The following USP32 variants were observed in gnomAD, a reference collection of about 807,000 sequenced individuals.
The protein encoded by USP32 is ubiquitin carboxyl-terminal hydrolase 32.
Under a neutral mutation model 204.8 loss-of-function variants are expected in USP32, and 59 were observed. That is an observed-to-expected ratio of 0.29 (90% CI 0.23 to 0.36). The LOEUF (loss-of-function observed/expected upper bound fraction) is 0.36, where lower values mean the gene tolerates loss of function less well. Among genes scored for constraint, USP32 ranks in the 10% least tolerant of loss-of-function variants. The probability of loss-of-function intolerance (pLI) is 1.00; values close to 1 mark genes in which losing one functional copy is unlikely to be tolerated. For synonymous variants in USP32, 517 were observed against 678.4 expected, an observed-to-expected ratio of 0.76 and a Z score of 3.70; for missense variants, 1,160 against 1,946.4, an observed-to-expected ratio of 0.60 and a Z score of 7.60.
intron 2 of USP32, among the ~76,000 whole-genome samples, chr17:60,307,488 A>G (rs1037021546): frequency 3.9e-5 from 6 of 152,228 alleles, no homozygotes; most frequent in African/African-American, 1.4e-4. Flanking sequence ...GACATTCTTC[A>G]TAGAGAAAGA....
chr17:60,207,987 G>T, intron 24 of USP32, 72 bp downstream of exon 24: 13 of 1,488,440 alleles, frequency 8.7e-6, no homozygotes, highest in Non-Finnish European at 1.2e-5. Flanking sequence ...CCTAACAATT[G>T]ATCATAATAA....
At position 60,288,730 on chromosome 17, in the gene USP32, C is replaced by G. The variant is rs755732154; in HGVS notation, c.412-48G>C. 2.0e-6 allele frequency: 3 copies of G among 1,532,988 alleles called. No homozygotes were observed. The African/African-American group carries it at 4.2e-5, about 21-fold the overall frequency. The allele number at this position is 1,532,988 out of a possible 1,614,324, so 95.0% of individuals were successfully genotyped here. Reference sequence around the variant, plus strand: ...TAAGTTTAGTCAAATTTTAAGGTATCTTACTTGGAACCTGCACAACCTGAA... The same window carrying G: ...TAAGTTTAGTCAAATTTTAAGGTATGTTACTTGGAACCTGCACAACCTGAA... On this transcript the variant is annotated intron_variant, in intron 4 of 33. Coordinates refer to ENST00000300896, the MANE Select transcript of USP32 (RefSeq NM_032582.4).
chr17:60,231,139 GGATTCCCTGTGAGTT>G (rs1226155187), intron 12 of USP32, among the ~76,000 whole-genome samples: 1 of 152,104 alleles, frequency 6.6e-6, no homozygotes, highest in Non-Finnish European at 1.5e-5. Context: ...TGAGATTTTA[GGATTCCCTGTGAGTT>G]GTATAAATAG....
intron 1 of USP32, among the ~76,000 whole-genome samples, chr17:60,375,190 T>C (rs1269637036): frequency 1.3e-5 from 2 of 152,192 alleles, no homozygotes; most frequent in African/African-American, 4.8e-5. Flanking sequence ...TCCTTCTCTG[T>C]GGATACCACG....
chr17:60,371,589 G>T (rs1304126283), intron 1 of USP32, among the ~76,000 whole-genome samples: 2 of 151,846 alleles, frequency 1.3e-5, no homozygotes, highest in African/African-American at 2.4e-5. Context: ...AAAATTAAAT[G>T]AAACACATGT....
At chr17:60,185,073 T>A (rs2084217512) in intron 30 of USP32, among the ~76,000 whole-genome samples, 3 of 152,174 alleles carry the variant, frequency 2.0e-5, no homozygotes, top group Non-Finnish European at 4.4e-5. Context: ...CAGTGGGTGT[T>A]GGGGGCTCCA....
At chr17:60,247,548 C>T (rs1366795615) in intron 11 of USP32, among the ~76,000 whole-genome samples, 1 of 152,136 alleles carries the variant, frequency 6.6e-6, no homozygotes, top group African/African-American at 2.4e-5. Context: ...TTCTTCTGCA[C>T]GTGGATATCC....
At chr17:60,258,627 C>T (rs771852787) in intron 9 of USP32, among the ~76,000 whole-genome samples, 1 of 152,208 alleles carries the variant, frequency 6.6e-6, no homozygotes, top group Non-Finnish European at 1.5e-5. Context: ...ACCTTTCCTA[C>T]ATTTTCTTTT....
At chr17:60,331,792 G>A (rs1363107995) in intron 2 of USP32, among the ~76,000 whole-genome samples, 2 of 148,576 alleles carry the variant, frequency 1.3e-5, no homozygotes, top group East Asian at 2.0e-4. Flanking sequence ...CAGCTTCTCA[G>A]GAGGCTGAGG....
In USP32 at chr17:60,420,290, G is replaced by A. The variant is rs547931532; in HGVS notation, c.106+1956C>T. ...ATTATAGGTGTGAGCCACCGCACCC[G>A]GCAGAATTATGTTGTTTTAAAACTT... On this transcript the variant is annotated intron_variant, in intron 1 of 3. Coordinates refer to the USP32 transcript ENST00000588898. Among the ~76,000 whole-genome samples the A allele has an allele frequency of 5.9e-5, 9 of 151,974 alleles. No homozygotes were observed. The East Asian group carries it at 1.7e-3, about 29-fold the overall frequency.
chr17:60,257,441 T>C (rs767256694), intron 9 of USP32, among the ~76,000 whole-genome samples: 28 of 152,300 alleles, frequency 1.8e-4, no homozygotes, highest in Admixed American at 5.2e-4. Context: ...GTTTTTAAAA[T>C]CTCACAGTGG....
At chr17:60,205,732 G>A in intron 25 of USP32, 74 bp from the exon 26 acceptor site, 2 of 1,361,888 alleles carry the variant, frequency 1.5e-6, no homozygotes, top group Non-Finnish European at 2.0e-6. Flanking sequence ...CAAGTATCCT[G>A]AGGACCAGAG....
chr17:60,302,278 G>A (rs1171852960), intron 2 of USP32, among the ~76,000 whole-genome samples: 1 of 152,030 alleles, frequency 6.6e-6, no homozygotes, highest in African/African-American at 2.4e-5. Flanking sequence ...GGGATTACAG[G>A]CCACTTGGGA....
intron 29 of USP32, among the ~76,000 whole-genome samples, chr17:60,186,548 A>G (rs2084255361): frequency 6.6e-6 from 1 of 152,228 alleles, no homozygotes; most frequent in African/African-American, 2.4e-5. Context: ...CTCCTCCCTC[A>G]TGGGGCCTTT....
intron 12 of USP32, chr17:60,231,519 T>A (rs760366174): frequency 3.9e-6 from 2 of 510,464 alleles, no homozygotes. Context: ...CAACTACACA[T>A]GTCTGAGGCA....
intron 1 of USP32, among the ~76,000 whole-genome samples, chr17:60,359,538 CAG>C (rs1395471984): frequency 6.6e-6 from 1 of 152,122 alleles, no homozygotes; most frequent in Non-Finnish European, 1.5e-5. Flanking sequence ...AAGCAGGACA[CAG>C]TGGCTCAAAC....
chr17:60,265,273 A>T, intron 9 of USP32, 139 bp downstream of exon 9: 1 of 504,568 alleles, frequency 2.0e-6, no homozygotes. Flanking sequence ...GATAACTTGG[A>T]GGTGTTTTAC....
intron 1 of USP32, among the ~76,000 whole-genome samples, chr17:60,399,259 T>C (rs1355353147): frequency 1.3e-5 from 2 of 152,064 alleles, no homozygotes; most frequent in Non-Finnish European, 2.9e-5. Flanking sequence ...TATATTCTAG[T>C]AGGAAAAGAG....
In USP32 at chr17:60,271,343, T is replaced by A. The variant is rs757133011; in HGVS notation, c.703+7A>T. 7 of 1,613,634 alleles carry A rather than the reference T, an allele frequency of 4.3e-6. No homozygotes were observed. In the African/African-American group the frequency reaches 9.3e-5, roughly 22 times the overall value. On this transcript the variant is annotated splice_region_variant and intron_variant, in intron 6 of 33. Coordinates refer to ENST00000300896, the MANE Select transcript of USP32 (RefSeq NM_032582.4). ...TGAACATATGTAGAAAATGGAATGA[T>A]CCCTACCTTCACTTAGAGATGGACG... is the stretch of plus-strand genomic sequence containing the variant.
Sources: gnomAD v4.1 joint callset for allele counts (sites outside exome capture counted in the v4.1 genomes callset) on GRCh38, gnomAD v4.1.1 for gene constraint, MANE v1.5 for transcripts, NCBI Gene and HGNC (gene_info 2026-07-23, HGNC 2026-07-21) for gene names.